COG6: variants seen among roughly 807,000 people sequenced by gnomAD.
COG6 encodes conserved oligomeric Golgi complex subunit 6.
In COG6, 74 loss-of-function variants were observed where a neutral mutation model predicts 88.8. The observed-to-expected ratio is 0.83, with a 90% CI of 0.69 to 1.01. The LOEUF (loss-of-function observed/expected upper bound fraction) is 1.01, where lower values mean the gene tolerates loss of function less well. Among genes scored for constraint, COG6 ranks in the 50% least tolerant of loss-of-function variants. The pLI is 0.00. For synonymous variants in COG6, 286 were observed against 278.7 expected (o/e 1.03, Z -0.26); for missense variants, 800 against 797.9 (o/e 1.00, Z -0.03).
chr13:39,669,832 G>A (rs992731841), intron 4 of COG6, among the ~76,000 whole-genome samples: 2 of 152,104 alleles, frequency 1.3e-5, no homozygotes, highest in African/African-American at 4.8e-5. Flanking sequence ...TGACATTCTG[G>A]TATCCCAAGA....
chr13:39,751,493 C>G lies in COG6; in HGVS notation c.*400C>G. On this transcript the variant is annotated 3_prime_UTR_variant, in exon 19 of 19. Coordinates refer to ENST00000455146, the MANE Select transcript of COG6 (RefSeq NM_020751.3). ...TAAGGATATGACCTAATAAATGTCTCCTTACCTAAAGATTCATTTGCTTTC... is the reference window on the plus strand; with the variant it reads ...TAAGGATATGACCTAATAAATGTCTGCTTACCTAAAGATTCATTTGCTTTC... 7.9e-7 allele frequency: 1 copy of G among 1,267,608 alleles called. No homozygotes were observed. The highest frequency in any genetic ancestry group is 1.2e-5 in the South Asian group (1 of 80,490). The allele number at this position is 1,267,608 out of a possible 1,614,324, so 78.5% of individuals were successfully genotyped here.
chr13:39,768,702 C>T (rs977656652), intron 18 of COG6, among the ~76,000 whole-genome samples: 38 of 152,060 alleles, frequency 2.5e-4, no homozygotes, highest in African/African-American at 7.5e-4. Context: ...GTTGTAATTA[C>T]GTGATATCTG....
At chr13:39,743,173 C>G (rs1480136906) in intron 18 of COG6, among the ~76,000 whole-genome samples, 2 of 152,070 alleles carry the variant, frequency 1.3e-5, no homozygotes, top group African/African-American at 4.8e-5. Context: ...AATCGACACC[C>G]TAACATCACA....
At chr13:39,685,046 G>A (rs992928878) in intron 8 of COG6, among the ~76,000 whole-genome samples, 3 of 151,948 alleles carry the variant, frequency 2.0e-5, no homozygotes, top group Non-Finnish European at 4.4e-5. Flanking sequence ...CCTTCTTTAT[G>A]TATTTGTTGT....
At chr13:39,670,567 T>C (rs1414517022) in intron 4 of COG6, among the ~76,000 whole-genome samples, 1 of 152,078 alleles carries the variant, frequency 6.6e-6, no homozygotes, top group Non-Finnish European at 1.5e-5. Flanking sequence ...GGAAAATATC[T>C]ATGTCATGGG....
rs1593458297 is a variant in COG6, at chr13:39,730,790, A to AAAAAAAAAAAAAAAG, written c.1826+3251_1826+3252insAAAAAGAAAAAAAAA. Among the ~76,000 whole-genome samples, 5 of 149,418 alleles carry AAAAAAAAAAAAAAAG rather than the reference A, an allele frequency of 3.3e-5. No individual in the cohort carries two copies. The East Asian group carries it at 1.0e-3, about 30-fold the overall frequency. ...CTCCATCTCAAAAAAAAAAAAAAAA[A>AAAAAAAAAAAAAAAG]AAAAAAAAAGATTTAACATTAAAGG... is the stretch of plus-strand genomic sequence containing the variant. On this transcript the variant is annotated intron_variant, in intron 18 of 18. Transcript: ENST00000455146.
At chr13:39,691,757 TTTAA>T (rs1045087014) in intron 11 of COG6, among the ~76,000 whole-genome samples, 1 of 151,976 alleles carries the variant, frequency 6.6e-6, no homozygotes, top group African/African-American at 2.4e-5. Context: ...AAATTTCGAC[TTTAA>T]TTATTTTTTT....
chr13:39,723,819 T>C (rs2138084666), intron 16 of COG6, among the ~76,000 whole-genome samples: 1 of 152,244 alleles, frequency 6.6e-6, no homozygotes, highest in South Asian at 2.1e-4. Context: ...CCTATATCAC[T>C]ATTAGTTAAT....
At chr13:39,670,762 G>C (rs1187995633) in intron 4 of COG6, among the ~76,000 whole-genome samples, 1 of 151,934 alleles carries the variant, frequency 6.6e-6, no homozygotes, top group African/African-American at 2.4e-5. Context: ...AATTGCAATA[G>C]CTTTCCTCAG....
In COG6 at chr13:39,752,136, A is replaced by G. The variant is rs1566039948; in HGVS notation, c.*1043A>G. ...TAAATCCCAGTGTGCCTGATTTGAC[A>G]TTCTTGTCAGCAAAAAAAAACTTAA... On this transcript the variant is annotated 3_prime_UTR_variant, in exon 19 of 19. Coordinates refer to ENST00000455146, the MANE Select transcript of COG6 (RefSeq NM_020751.3). The G allele has an allele frequency of 1.6e-6, 2 of 1,223,084 alleles. No homozygotes were observed. Among genetic ancestry groups the G allele is most frequent in the East Asian group, 6.0e-5 (1 of 16,732 alleles). 75.8% of individuals were successfully genotyped at this position (1,223,084 alleles called of 1,614,324 possible). A position where few individuals can be genotyped will look rare whatever the true frequency, so the allele number is the denominator to read the frequency against.
chr13:39,781,265 G>A (rs186800252), intron 18 of COG6, among the ~76,000 whole-genome samples: 79 of 152,224 alleles, frequency 5.2e-4, no homozygotes, highest in Middle Eastern at 6.8e-3. Flanking sequence ...GAGGGCTGGA[G>A]GACTCTTTTT....
chr13:39,656,004 C>A, intron 1 of COG6, 125 bp downstream of exon 1: 1 of 1,235,136 alleles, frequency 8.1e-7, no homozygotes, highest in Non-Finnish European at 1.2e-6. Flanking sequence ...GCGAGTGACC[C>A]CAGACCTGCG....
intron 4 of COG6, among the ~76,000 whole-genome samples, chr13:39,674,019 A>G (rs1875810486): frequency 6.6e-6 from 1 of 152,032 alleles, no homozygotes; most frequent in Admixed American, 6.6e-5. Context: ...GCCAATGTAG[A>G]TGAAAAATAT....
intron 12 of COG6, among the ~76,000 whole-genome samples, chr13:39,696,637 A>G (rs916447776): frequency 3.3e-5 from 5 of 151,550 alleles, no homozygotes; most frequent in Admixed American, 6.6e-5. Context: ...GGGAGATGAA[A>G]TCAGAAAGGT....
rs1308762930 is a variant in COG6, at chr13:39,764,733, C to T, written c.1827-23602C>T. Among the ~76,000 whole-genome samples, 3 of 152,066 alleles carry T rather than the reference C, an allele frequency of 2.0e-5. No homozygotes were observed. The East Asian group carries it at 5.8e-4, about 29-fold the overall frequency. On this transcript the variant is annotated intron_variant, in intron 18 of 18. Transcript: ENST00000416691. ...TCCGCTATAACCAGAAAATGTATTC[C>T]TAGTATCATCCTTTTGATATTTATT... is the stretch of plus-strand genomic sequence containing the variant.
downstream of COG6, among the ~76,000 whole-genome samples, chr13:39,754,143 CT>C (rs533757940): frequency 6.6e-6 from 1 of 152,144 alleles, no homozygotes; most frequent in Non-Finnish European, 1.5e-5. Flanking sequence ...CCCTTTTGAC[CT>C]TCTTCCCTGG....
intron 13 of COG6, 73 bp downstream of exon 13, chr13:39,699,691 T>A: frequency 1.3e-6 from 1 of 794,136 alleles, no homozygotes; most frequent in Non-Finnish European, 2.2e-6. Flanking sequence ...ATTTTTGTAT[T>A]GATTGATAAC....
intron 4 of COG6, among the ~76,000 whole-genome samples, chr13:39,671,607 A>G (rs1330189178): frequency 6.6e-6 from 1 of 151,916 alleles, no homozygotes; most frequent in Non-Finnish European, 1.5e-5. Context: ...TATATTTCAA[A>G]ATATTTTACA....
intron 17 of COG6, 96 bp downstream of exon 17, chr13:39,724,657 T>A: frequency 1.1e-6 from 1 of 912,420 alleles, no homozygotes; most frequent in Non-Finnish European, 1.8e-6. Flanking sequence ...GTGACACTTT[T>A]TATCTCTTGA....
Sources: allele counts gnomAD v4.1 joint callset (sites outside exome capture counted in the v4.1 genomes callset), GRCh38; gene constraint gnomAD v4.1.1; transcripts MANE v1.5; gene names NCBI Gene and HGNC (gene_info 2026-07-23, HGNC 2026-07-21).